Variants in ANK3 observed in about 807,000 individuals in gnomAD.
ANK3 encodes ankyrin-3.
In ANK3, 57 loss-of-function variants were observed where a neutral mutation model predicts 370.9. The observed-to-expected ratio is 0.15, with a 90% CI of 0.12 to 0.19. ANK3 has a LOEUF of 0.19. Ranked by LOEUF, ANK3 falls within the 10% of genes least tolerant of loss-of-function variation. The pLI is 1.00. For missense variants in ANK3, 4,439 were observed against 5,302.1 expected, an observed-to-expected ratio of 0.84 and a Z score of 5.06; for synonymous variants, 1,929 against 1,946.3, an observed-to-expected ratio of 0.99 and a Z score of 0.23.
intron 1 of ANK3, among the ~76,000 whole-genome samples, chr10:60,647,083 G>A (rs1415194566): frequency 6.6e-6 from 1 of 152,168 alleles, no homozygotes; most frequent in African/African-American, 2.4e-5. Flanking sequence ...TCATTTTTAA[G>A]CGAAAACACT....
At chr10:60,156,673 C>G (rs2132265383) in intron 23 of ANK3, among the ~76,000 whole-genome samples, 1 of 152,316 alleles carries the variant, frequency 6.6e-6, no homozygotes, top group African/African-American at 2.4e-5. Flanking sequence ...CCAAAATCTA[C>G]CAAAGCTGTG....
At chr10:60,488,360 CTGAAAAATATGT>C (rs2075403245) in intron 2 of ANK3, among the ~76,000 whole-genome samples, 1 of 152,050 alleles carries the variant, frequency 6.6e-6, no homozygotes, top group African/African-American at 2.4e-5. Context: ...CGAAGAGCTC[CTGAAAAATATGT>C]TGAGAAATAT....
chr10:60,554,243 T>A (rs144470994), intron 2 of ANK3, among the ~76,000 whole-genome samples: 1 of 152,244 alleles, frequency 6.6e-6, no homozygotes, highest in African/African-American at 2.4e-5. Flanking sequence ...AAACCATATC[T>A]CTTAGAGCCC....
chr10:60,535,631 A>C (rs2076707231), intron 2 of ANK3, among the ~76,000 whole-genome samples: 1 of 152,056 alleles, frequency 6.6e-6, no homozygotes, highest in Admixed American at 6.6e-5. Flanking sequence ...GGTTGAATGG[A>C]GTTTACTCTG....
chr10:60,562,963 C>G (rs987854221), intron 2 of ANK3, among the ~76,000 whole-genome samples: 5 of 152,048 alleles, frequency 3.3e-5, no homozygotes, highest in East Asian at 1.9e-4. Context: ...TATATCCCCC[C>G]CAAAGTCTAT....
chr10:60,140,604 A>C, intron 23 of ANK3: 2 of 1,399,470 alleles, frequency 1.4e-6, no homozygotes, highest in Non-Finnish European at 9.2e-7. Flanking sequence ...CCCCAAAAAA[A>C]TCTTTTTAAA....
chr10:60,503,340 G>A (rs1040587850), intron 2 of ANK3, among the ~76,000 whole-genome samples: 2 of 152,142 alleles, frequency 1.3e-5, no homozygotes, highest in African/African-American at 4.8e-5. Flanking sequence ...TAAAACAGTA[G>A]AGGTGACATT....
chr10:60,279,416 A>G, intron 2 of ANK3, 122 bp downstream of exon 2: 1 of 794,070 alleles, frequency 1.3e-6, no homozygotes, highest in Non-Finnish European at 2.1e-6. Context: ...GAATAATTTG[A>G]CAATGACAAG....
chr10:60,222,516 G>T (rs1358999895), intron 8 of ANK3, among the ~76,000 whole-genome samples: 1 of 151,538 alleles, frequency 6.6e-6, no homozygotes. Flanking sequence ...TCATTTCTTT[G>T]GCTTTGAAGC....
intron 25 of ANK3, among the ~76,000 whole-genome samples, 199 bp downstream of exon 25, chr10:60,134,072 T>C (rs1252941770): frequency 6.6e-6 from 1 of 152,218 alleles, no homozygotes; most frequent in Non-Finnish European, 1.5e-5. Flanking sequence ...CTGATATTCC[T>C]ATCTTCCTCA....
chr10:60,610,237 A>G (rs1474073596), intron 2 of ANK3, among the ~76,000 whole-genome samples: 1 of 152,134 alleles, frequency 6.6e-6, no homozygotes, highest in Non-Finnish European at 1.5e-5. Context: ...CTTTTGTAGA[A>G]AGATTGCTTC....
intron 32 of ANK3, chr10:60,084,060 T>C (rs1269318989): frequency 6.4e-6 from 1 of 155,142 alleles, no homozygotes; most frequent in Admixed American, 6.5e-5. Flanking sequence ...GACCATAACT[T>C]AAATTCATTA....
chr10:60,691,762 C>T (rs2079356369), intron 1 of ANK3, among the ~76,000 whole-genome samples: 1 of 152,150 alleles, frequency 6.6e-6, no homozygotes. Context: ...TAATTCCTAA[C>T]CCTGGGCTTT....
At chr10:60,692,130 T>A (rs1329712934) in intron 1 of ANK3, among the ~76,000 whole-genome samples, 1 of 152,228 alleles carries the variant, frequency 6.6e-6, no homozygotes, top group Non-Finnish European at 1.5e-5. Flanking sequence ...AAAGCCAATG[T>A]GTGTCAAGGG....
intron 1 of ANK3, among the ~76,000 whole-genome samples, chr10:60,616,266 C>G (rs557475646): frequency 4.6e-5 from 7 of 152,240 alleles, no homozygotes; most frequent in Non-Finnish European, 7.4e-5. Context: ...ATTTAATCTT[C>G]ACAACTTCTA....
chr10:60,619,718 C>T (rs1297130822), intron 1 of ANK3, among the ~76,000 whole-genome samples: 1 of 152,098 alleles, frequency 6.6e-6, no homozygotes, highest in Non-Finnish European at 1.5e-5. Context: ...GAGCGAATTG[C>T]CTGGAGTTAC....
chr10:60,116,282 C>T (rs768776171), intron 25 of ANK3, among the ~76,000 whole-genome samples: 3 of 152,068 alleles, frequency 2.0e-5, no homozygotes, highest in Admixed American at 6.5e-5. Context: ...AATGGGAAGT[C>T]TCTGAGGATT....
At chr10:60,666,062 T>A (rs900330890) in intron 1 of ANK3, among the ~76,000 whole-genome samples, 1 of 152,194 alleles carries the variant, frequency 6.6e-6, no homozygotes, top group African/African-American at 2.4e-5. Flanking sequence ...ACTTTGGGTA[T>A]AGACCCCAAA....
intron 6 of ANK3, among the ~76,000 whole-genome samples, chr10:60,262,942 C>G (rs141737984): frequency 2.4e-4 from 36 of 152,254 alleles, no homozygotes; most frequent in African/African-American, 8.7e-4. Flanking sequence ...CCCTGGTAAT[C>G]AAACTACTGC....
Sources: allele counts gnomAD v4.1 joint callset (sites outside exome capture counted in the v4.1 genomes callset), GRCh38; gene constraint gnomAD v4.1.1; transcripts MANE v1.5; gene names NCBI Gene and HGNC (gene_info 2026-07-23, HGNC 2026-07-21).